The following FRYL variants were observed in gnomAD, a reference collection of about 807,000 sequenced individuals.
The protein encoded by FRYL is FRY like transcription coactivator.
Under a neutral mutation model 351.2 loss-of-function variants are expected in FRYL, and 150 were observed. That is an observed-to-expected ratio of 0.43 (90% CI 0.37 to 0.49). The LOEUF (loss-of-function observed/expected upper bound fraction) is 0.49. FRYL is among the 20% of genes least tolerant of loss of function. The probability of loss-of-function intolerance (pLI) is 0.00; values close to 1 mark genes in which losing one functional copy is unlikely to be tolerated. For synonymous variants in FRYL, 1,153 were observed against 1,257.1 expected (o/e 0.92, Z 1.75); for missense variants, 3,036 against 3,619.3 (o/e 0.84, Z 4.13).
chr4:48,616,435 T>C (rs1224741849), intron 7 of FRYL, among the ~76,000 whole-genome samples: 1 of 152,158 alleles, frequency 6.6e-6, no homozygotes, highest in Admixed American at 6.5e-5. Flanking sequence ...TTAGGCGTTA[T>C]TATATTTAAT....
intron 53 of FRYL, among the ~76,000 whole-genome samples, chr4:48,525,455 T>C (rs1304409230): frequency 6.6e-6 from 1 of 152,180 alleles, no homozygotes; most frequent in East Asian, 1.9e-4. Flanking sequence ...CACTGAGGCA[T>C]GTTGAGGAGA....
Position 48,594,019 on chromosome 4 carries a change from TAAAA to T in FRYL, c.1249-7_1249-4del. 1 of 1,167,632 alleles carries T rather than the reference TAAAA, an allele frequency of 8.6e-7. No individual in the cohort carries two copies. Among genetic ancestry groups the T allele is most frequent in the Non-Finnish European group, 1.1e-6 (1 of 870,060 alleles). 72.3% of individuals were successfully genotyped at this position (1,167,632 alleles called of 1,614,324 possible). ...TTCATTGCAAAATCCAAGCGTTCCT[TAAAA>T]AAAAAAAAATCCTTATAACTTGCTA... On this transcript the variant is annotated splice_polypyrimidine_tract_variant and splice_region_variant and intron_variant, in intron 15 of 63. Coordinates refer to ENST00000358350, the MANE Select transcript of FRYL (RefSeq NM_015030.2).
At chr4:48,692,727 T>C (rs1379206452) in intron 2 of FRYL, among the ~76,000 whole-genome samples, 5 of 152,230 alleles carry the variant, frequency 3.3e-5, no homozygotes, top group Non-Finnish European at 7.3e-5. Flanking sequence ...TTGTAATAAA[T>C]ATTGCTTATT....
intron 3 of FRYL, among the ~76,000 whole-genome samples, chr4:48,675,701 G>C (rs894570680): frequency 6.6e-6 from 1 of 152,170 alleles, no homozygotes; most frequent in African/African-American, 2.4e-5. Flanking sequence ...CAGTCCCATC[G>C]ACCACCCAAG....
At chr4:48,502,724 A>G in intron 61 of FRYL, 104 bp downstream of exon 61, 1 of 828,238 alleles carries the variant, frequency 1.2e-6, no homozygotes, top group Non-Finnish European at 2.0e-6. Flanking sequence ...CTTGTAAAGT[A>G]GTCCACGAGA....
At chr4:48,544,532 G>A (rs1030332884) in intron 43 of FRYL, among the ~76,000 whole-genome samples, 3 of 151,834 alleles carry the variant, frequency 2.0e-5, no homozygotes, top group Non-Finnish European at 4.4e-5. Context: ...TTCATAATAC[G>A]CAATTGTATT....
chr4:48,601,161 T>A (rs1359780609), intron 13 of FRYL, among the ~76,000 whole-genome samples: 2 of 152,202 alleles, frequency 1.3e-5, no homozygotes, highest in Non-Finnish European at 2.9e-5. Flanking sequence ...ACTTTCTCTA[T>A]CTGCCTCGGT....
chr4:48,613,260 T>C (rs971027499), intron 7 of FRYL, among the ~76,000 whole-genome samples: 6 of 152,184 alleles, frequency 3.9e-5, no homozygotes, highest in Admixed American at 2.6e-4. Context: ...GGTGTATAAT[T>C]TTCCACTTGT....
chr4:48,684,438 G>A (rs1258557455), intron 3 of FRYL, among the ~76,000 whole-genome samples: 1 of 152,108 alleles, frequency 6.6e-6, no homozygotes, highest in East Asian at 1.9e-4. Context: ...AAGTACTCCA[G>A]TAATGAAACT....
intron 56 of FRYL, 33 bp downstream of exon 56, chr4:48,514,995 C>A: frequency 6.3e-7 from 1 of 1,579,826 alleles, no homozygotes; most frequent in Admixed American, 1.8e-5. Context: ...AGATTATCCC[C>A]TCACTACAGT....
chr4:48,739,545 C>T (rs1396049596), intron 1 of FRYL, among the ~76,000 whole-genome samples: 1 of 151,594 alleles, frequency 6.6e-6, no homozygotes, highest in Admixed American at 6.6e-5. Context: ...CTAAACAGAC[C>T]TTAAACTCAC....
At chr4:48,699,493 C>T (rs939080024) in intron 2 of FRYL, among the ~76,000 whole-genome samples, 1 of 152,160 alleles carries the variant, frequency 6.6e-6, no homozygotes, top group Non-Finnish European at 1.5e-5. Context: ...CAATGAACAA[C>T]TTCATAAAGG....
intron 42 of FRYL, 97 bp downstream of exon 42, chr4:48,545,970 G>T: frequency 9.4e-7 from 1 of 1,063,836 alleles, no homozygotes; most frequent in Non-Finnish European, 1.4e-6. Flanking sequence ...CACATCAATG[G>T]TATTTCAGAC....
At chr4:48,689,970 C>T (rs1285847455) in intron 2 of FRYL, among the ~76,000 whole-genome samples, 1 of 148,358 alleles carries the variant, frequency 6.7e-6, no homozygotes, top group South Asian at 2.1e-4. Context: ...AATCTCGGCT[C>T]ACTGCAAGCT....
intron 58 of FRYL, among the ~76,000 whole-genome samples, chr4:48,510,569 T>C (rs954540950): frequency 4.6e-5 from 7 of 152,130 alleles, no homozygotes; most frequent in African/African-American, 1.4e-4. Flanking sequence ...TTTAAGAATA[T>C]AAAAATTACC....
At chr4:48,587,697 C>T (rs1202233864) in intron 18 of FRYL, among the ~76,000 whole-genome samples, 2 of 152,092 alleles carry the variant, frequency 1.3e-5, no homozygotes, top group Non-Finnish European at 2.9e-5. Flanking sequence ...GCGCCTGCCA[C>T]CACGCCCAGC....
intron 3 of FRYL, among the ~76,000 whole-genome samples, chr4:48,667,435 C>CTT (rs536377267): frequency 7.0e-6 from 1 of 143,440 alleles, no homozygotes; most frequent in South Asian, 2.2e-4. Flanking sequence ...CACCCCCTCG[C>CTT]TTTTTTTTTT....
At chr4:48,565,949 A>C (rs1317592635) in intron 28 of FRYL, among the ~76,000 whole-genome samples, 1 of 152,172 alleles carries the variant, frequency 6.6e-6, no homozygotes, top group Non-Finnish European at 1.5e-5. Flanking sequence ...GGCAGGCTCA[A>C]TGGCACATGA....
chr4:48,562,480 G>A (rs1458913282), intron 32 of FRYL, among the ~76,000 whole-genome samples: 1 of 152,128 alleles, frequency 6.6e-6, no homozygotes, highest in Non-Finnish European at 1.5e-5. Flanking sequence ...AACTTTCTAA[G>A]TTATTTCTCC....
Sources: gnomAD v4.1 joint callset for allele counts (sites outside exome capture counted in the v4.1 genomes callset) on GRCh38, gnomAD v4.1.1 for gene constraint, MANE v1.5 for transcripts, NCBI Gene and HGNC (gene_info 2026-07-23, HGNC 2026-07-21) for gene names.